Variants in CUX1 observed in about 807,000 individuals in gnomAD.
CUX1 encodes cut like homeobox 1, also known as protein CASP.
In CUX1, 31 loss-of-function variants were observed where a neutral mutation model predicts 158.8. The ratio of observed to expected loss-of-function variants is 0.20; its 90% CI spans 0.15 to 0.26. The LOEUF (loss-of-function observed/expected upper bound fraction) is 0.26, where lower values mean the gene tolerates loss of function less well. Among genes scored for constraint, CUX1 ranks in the 10% least tolerant of loss-of-function variants. The pLI, the probability that CUX1 is intolerant of heterozygous loss-of-function variation, is 1.00. For synonymous variants in CUX1, 879 were observed against 862.1 expected, an observed-to-expected ratio of 1.02 and a Z score of -0.34; for missense variants, 1,589 against 2,014.6, an observed-to-expected ratio of 0.79 and a Z score of 4.04.
chr7:102,196,200 T>C (rs1172942073), intron 14 of CUX1, among the ~76,000 whole-genome samples: 4 of 152,232 alleles, frequency 2.6e-5, no homozygotes, highest in Non-Finnish European at 5.9e-5. Context: ...TCGAGGGGGC[T>C]CGGTACGGTG....
chr7:102,173,547 G>A (rs2131719966), intron 10 of CUX1, among the ~76,000 whole-genome samples: 1 of 152,254 alleles, frequency 6.6e-6, no homozygotes, highest in East Asian at 1.9e-4. Context: ...CATGGCTAGG[G>A]TGGGAGGCAG....
intron 3 of CUX1, among the ~76,000 whole-genome samples, chr7:102,047,577 TAGGG>T (rs527301135): frequency 3.8e-5 from 5 of 130,270 alleles, no homozygotes; most frequent in East Asian, 2.4e-4. Flanking sequence ...AGTCTAGAGG[TAGGG>T]AGGGAGGGAG....
intron 21 of CUX1, among the ~76,000 whole-genome samples, chr7:102,282,189 C>T (rs1554549514): frequency 6.6e-6 from 1 of 152,180 alleles, no homozygotes; most frequent in African/African-American, 2.4e-5. Flanking sequence ...CCTGAACGGG[C>T]TTCATAGGAA....
At chr7:102,115,101 T>C (rs782680248) in intron 7 of CUX1, 106 bp from the exon 8 acceptor site, 6 of 947,882 alleles carry the variant, frequency 6.3e-6, no homozygotes, top group Non-Finnish European at 9.8e-6. Flanking sequence ...TCCACGCACC[T>C]CGCTCCTCAC....
chr7:102,027,032 G>T (rs1334742514), intron 2 of CUX1, among the ~76,000 whole-genome samples: 1 of 152,060 alleles, frequency 6.6e-6, no homozygotes, highest in African/African-American at 2.4e-5. Context: ...AAAATTTATT[G>T]TGACTCTGTC....
chr7:102,265,874 G>C (rs1257151556), intron 14 of CUX1, among the ~76,000 whole-genome samples: 1 of 152,116 alleles, frequency 6.6e-6, no homozygotes, highest in Non-Finnish European at 1.5e-5. Flanking sequence ...GGTAAAAAGA[G>C]ACTGGATTCT....
At chr7:102,075,990 C>T (rs1554476509) in intron 4 of CUX1, among the ~76,000 whole-genome samples, 1 of 152,102 alleles carries the variant, frequency 6.6e-6, no homozygotes, top group Non-Finnish European at 1.5e-5. Context: ...TCCCTCCACC[C>T]CAGCTTATCC....
intron 2 of CUX1, among the ~76,000 whole-genome samples, chr7:101,973,102 G>A (rs912111697): frequency 5.9e-5 from 9 of 152,176 alleles, no homozygotes; most frequent in African/African-American, 2.4e-5. Flanking sequence ...GAAGAATCAA[G>A]TCCATCCACG....
At chr7:101,856,056 CT>C in intron 1 of CUX1, among the ~76,000 whole-genome samples, 1 of 151,400 alleles carries the variant, frequency 6.6e-6, no homozygotes, top group African/African-American at 2.4e-5. Flanking sequence ...TGGCGTGCAT[CT>C]GTAGTCTCAG....
chr7:102,054,122 C>A (rs988938731), intron 3 of CUX1, among the ~76,000 whole-genome samples: 5 of 152,096 alleles, frequency 3.3e-5, no homozygotes, highest in African/African-American at 1.2e-4. Context: ...TTTTCAGTTT[C>A]TTGGTAGCGT....
At position 101,996,677 on chromosome 7, in the gene CUX1, CCCT is replaced by C. The variant is rs1283186775; in HGVS notation, c.142-31419_142-31417del. Among the ~76,000 whole-genome samples the C allele has an allele frequency of 2.2e-4, 28 of 130,186 alleles. 1 individual carries two copies. In the East Asian group the frequency reaches 7.2e-3, roughly 33 times the overall value. 85.4% of individuals were successfully genotyped at this position (130,186 alleles called of 152,430 possible). A position where few individuals can be genotyped will look rare whatever the true frequency, so the allele number is the denominator to read the frequency against. On this transcript the variant is annotated intron_variant, in intron 2 of 23. Transcript: ENST00000292535. ...TCCCTCCCTCCCTCCATCCATCCTT[CCCT>C]CGTTTCCTTCCCTCCGTCTTTTTCC... is the stretch of plus-strand genomic sequence containing the variant.
At chr7:102,230,510 AAAG>A (rs1391075472) in intron 21 of CUX1, among the ~76,000 whole-genome samples, 2 of 151,648 alleles carry the variant, frequency 1.3e-5, no homozygotes, top group African/African-American at 4.8e-5. Flanking sequence ...AAAAAAAAAA[AAAG>A]AACAGAGTAG....
At chr7:101,984,089 A>AAAAAT (rs1221503978) in intron 2 of CUX1, among the ~76,000 whole-genome samples, 103 of 29,726 alleles carry the variant, frequency 3.5e-3, no homozygotes, top group Non-Finnish European at 5.5e-3. Flanking sequence ...AAAAAAAAAA[A>AAAAAT]ATATATATAT....
chr7:101,879,834 G>A (rs769577417), intron 1 of CUX1, among the ~76,000 whole-genome samples: 1 of 152,248 alleles, frequency 6.6e-6, no homozygotes, highest in Non-Finnish European at 1.5e-5. Context: ...GTTCTCCCAG[G>A]GTCTCTAAGC....
chr7:102,266,236 T>G (rs1790805739), intron 14 of CUX1, among the ~76,000 whole-genome samples: 1 of 148,682 alleles, frequency 6.7e-6, no homozygotes, highest in South Asian at 2.1e-4. Flanking sequence ...AGAGAGAGAC[T>G]TAAGACAGAT....
At chr7:102,247,206 G>C (rs1197185942) in intron 23 of CUX1, among the ~76,000 whole-genome samples, 3 of 147,252 alleles carry the variant, frequency 2.0e-5, no homozygotes, top group African/African-American at 7.7e-5. Flanking sequence ...AGTAAAATAA[G>C]GAAAGGAAAA....
chr7:101,974,401 T>C (rs1401196772), intron 2 of CUX1, among the ~76,000 whole-genome samples: 1 of 152,138 alleles, frequency 6.6e-6, no homozygotes, highest in Non-Finnish European at 1.5e-5. Context: ...TTTTCAAAAG[T>C]TCTTATGAAA....
At chr7:102,013,889 GA>G (rs1211721314) in intron 2 of CUX1, among the ~76,000 whole-genome samples, 3 of 151,976 alleles carry the variant, frequency 2.0e-5, no homozygotes, top group African/African-American at 7.3e-5. Context: ...ATTTTTTGTA[GA>G]GACAGGGTCT....
intron 1 of CUX1, among the ~76,000 whole-genome samples, chr7:101,845,417 T>A (rs1258230638): frequency 1.3e-5 from 2 of 152,194 alleles, no homozygotes; most frequent in African/African-American, 2.4e-5. Context: ...TTGGCGATTG[T>A]TGAGACAGGC....
Sources: allele counts gnomAD v4.1 joint callset (sites outside exome capture counted in the v4.1 genomes callset), GRCh38; gene constraint gnomAD v4.1.1; transcripts MANE v1.5; gene names NCBI Gene and HGNC (gene_info 2026-07-23, HGNC 2026-07-21).